Variants in POU6F2 observed in about 807,000 individuals in gnomAD.
POU6F2 encodes POU class 6 homeobox 2.
Under a neutral mutation model 71.3 loss-of-function variants are expected in POU6F2, and 31 were observed. The observed-to-expected ratio is 0.43, with a 90% CI of 0.33 to 0.59. The LOEUF (loss-of-function observed/expected upper bound fraction) is 0.59, where lower values mean the gene tolerates loss of function less well. Among genes scored for constraint, POU6F2 ranks in the 20% least tolerant of loss-of-function variants. The pLI is 0.04. For synonymous variants in POU6F2, 347 were observed against 355.7 expected (o/e 0.98, Z 0.27); for missense variants, 783 against 856.8 (o/e 0.91, Z 1.07).
intron 5 of POU6F2, among the ~76,000 whole-genome samples, chr7:39,354,351 G>A (rs1786209562): frequency 6.6e-6 from 1 of 152,180 alleles, no homozygotes; most frequent in Non-Finnish European, 1.5e-5. Context: ...AAAGGTCAGA[G>A]GACAAAACCT....
intron 2 of POU6F2, among the ~76,000 whole-genome samples, chr7:39,174,394 T>C (rs910285599): frequency 2.0e-5 from 3 of 152,306 alleles, no homozygotes; most frequent in South Asian, 4.1e-4. Context: ...ATTTTTATAT[T>C]GTGGGTGTGA....
At chr7:38,996,321 G>A (rs1418080475) in intron 1 of POU6F2, among the ~76,000 whole-genome samples, 1 of 151,434 alleles carries the variant, frequency 6.6e-6, no homozygotes, top group Admixed American at 6.6e-5. Flanking sequence ...GATTATAGAT[G>A]TGAGCCACTG....
intron 7 of POU6F2, among the ~76,000 whole-genome samples, chr7:39,437,104 C>T (rs1463302609): frequency 6.6e-6 from 1 of 152,080 alleles, no homozygotes; most frequent in Non-Finnish European, 1.5e-5. Flanking sequence ...TGTCTCTTCC[C>T]GATTGTGGTA....
chr7:39,136,501 G>A (rs576715032), intron 2 of POU6F2, among the ~76,000 whole-genome samples: 34 of 152,162 alleles, frequency 2.2e-4, no homozygotes, highest in Non-Finnish European at 4.0e-4. Flanking sequence ...AAAACAGTGG[G>A]AATGTTAAAG....
chr7:39,236,501 A>G (rs1291156253), intron 4 of POU6F2, among the ~76,000 whole-genome samples: 2 of 152,106 alleles, frequency 1.3e-5, no homozygotes, highest in African/African-American at 4.8e-5. Flanking sequence ...TTGCTGTATG[A>G]TGCTGCCGCT....
At chr7:39,302,874 A>G (rs759549640) in intron 4 of POU6F2, among the ~76,000 whole-genome samples, 2 of 152,252 alleles carry the variant, frequency 1.3e-5, no homozygotes, top group Non-Finnish European at 2.9e-5. Flanking sequence ...TATGAGGTCT[A>G]ATCCAGTCCA....
chr7:39,265,006 A>G (rs909831843), intron 4 of POU6F2, among the ~76,000 whole-genome samples: 1 of 152,210 alleles, frequency 6.6e-6, no homozygotes, highest in African/African-American at 2.4e-5. Context: ...TTAGGCCTTG[A>G]GCTGAACTTT....
At chr7:39,435,577 T>C (rs1788220525) in intron 7 of POU6F2, among the ~76,000 whole-genome samples, 2 of 152,242 alleles carry the variant, frequency 1.3e-5, no homozygotes, top group Non-Finnish European at 1.5e-5. Flanking sequence ...ATTCTGTAGG[T>C]TGCCTGTTCA....
At chr7:39,182,699 C>T (rs1352591955) in intron 2 of POU6F2, among the ~76,000 whole-genome samples, 2 of 152,032 alleles carry the variant, frequency 1.3e-5, no homozygotes, top group Non-Finnish European at 2.9e-5. Flanking sequence ...AATTGTAAAC[C>T]ATTGTATTCC....
intron 2 of POU6F2, among the ~76,000 whole-genome samples, chr7:39,187,918 C>A (rs570541756): frequency 9.7e-4 from 148 of 152,260 alleles, no homozygotes; most frequent in African/African-American, 2.9e-3. Flanking sequence ...CCATATGAGT[C>A]TTTGATTTTA....
At chr7:39,052,556 C>T (rs930064232) in intron 1 of POU6F2, among the ~76,000 whole-genome samples, 1 of 152,040 alleles carries the variant, frequency 6.6e-6, no homozygotes, top group Non-Finnish European at 1.5e-5. Context: ...ATGGGAGAAA[C>T]GGCCCCCATG....
chr7:38,997,354 A>G (rs1788769023), intron 1 of POU6F2, among the ~76,000 whole-genome samples: 1 of 152,094 alleles, frequency 6.6e-6, no homozygotes, highest in African/African-American at 2.4e-5. Context: ...CTTTTCTCAA[A>G]CATCTGCAGT....
chr7:39,452,533 A>G (rs572022292), intron 8 of POU6F2, among the ~76,000 whole-genome samples: 13 of 152,364 alleles, frequency 8.5e-5, no homozygotes, highest in Non-Finnish European at 1.8e-4. Context: ...TCTGTGCCAT[A>G]AAATGAGGAC....
At chr7:39,359,219 G>T (rs1195977429) in intron 5 of POU6F2, among the ~76,000 whole-genome samples, 3 of 151,416 alleles carry the variant, frequency 2.0e-5, no homozygotes, top group Admixed American at 6.6e-5. Context: ...CTAACAACGT[G>T]TTAGACAGTA....
intron 4 of POU6F2, among the ~76,000 whole-genome samples, chr7:39,306,997 G>A (rs1450189396): frequency 1.3e-5 from 2 of 152,164 alleles, no homozygotes; most frequent in South Asian, 4.1e-4. Flanking sequence ...CATTAGAAGG[G>A]GTGCAGGGGA....
At position 39,087,066 on chromosome 7, in the gene POU6F2, C is replaced by CA. The variant is rs141947774; in HGVS notation, c.277+1051dup. Among the ~76,000 whole-genome samples the CA allele has an allele frequency of 2.5e-3, 304 of 121,714 alleles. 4 individuals are homozygous for CA. The highest frequency in any genetic ancestry group is 0.025 in the Middle Eastern group (5 of 204). 79.8% of individuals were successfully genotyped at this position (121,714 alleles called of 152,430 possible). A position where few individuals can be genotyped will look rare whatever the true frequency, so the allele number is the denominator to read the frequency against. Reference sequence around the variant, plus strand: ...AAGAAACAGTCAAGCACCTGAACTTCAAAAAAAAAAAAAAAATCATTACAT... The same window carrying CA: ...AAGAAACAGTCAAGCACCTGAACTTCAAAAAAAAAAAAAAAAATCATTACAT... On this transcript the variant is annotated intron_variant, in intron 2 of 9. Transcript: ENST00000518318.
intron 2 of POU6F2, among the ~76,000 whole-genome samples, chr7:39,200,019 A>G (rs1418176133): frequency 1.3e-5 from 2 of 152,226 alleles, no homozygotes; most frequent in African/African-American, 4.8e-5. Flanking sequence ...ACAAATCACA[A>G]TTACAAAACA....
intron 4 of POU6F2, among the ~76,000 whole-genome samples, chr7:39,295,727 A>G (rs1176314693): frequency 6.6e-6 from 1 of 152,242 alleles, no homozygotes; most frequent in Non-Finnish European, 1.5e-5. Flanking sequence ...TGCTACTTAA[A>G]ATGATTTCTA....
chr7:39,234,965 C>T (rs967720936), intron 4 of POU6F2, among the ~76,000 whole-genome samples: 6 of 152,186 alleles, frequency 3.9e-5, no homozygotes, highest in Non-Finnish European at 7.3e-5. Context: ...GAAGCCATTT[C>T]TTTCACTCTA....
Sources: allele counts gnomAD v4.1 joint callset (sites outside exome capture counted in the v4.1 genomes callset), GRCh38; gene constraint gnomAD v4.1.1; transcripts MANE v1.5; gene names NCBI Gene and HGNC (gene_info 2026-07-23, HGNC 2026-07-21).